ABCA2: variants seen among roughly 807,000 people sequenced by gnomAD.
ABCA2 encodes the protein ATP-binding cassette sub-family A member 2.
ABCA2 carries 84 observed loss-of-function variants against 262.8 expected under a neutral mutation model. The observed-to-expected ratio is 0.32, with a 90% confidence interval of 0.27 to 0.38. The LOEUF (loss-of-function observed/expected upper bound fraction) is 0.38. Ranked by LOEUF, ABCA2 falls within the 10% of genes least tolerant of loss-of-function variation. The pLI is 1.00. For missense variants in ABCA2, 2,662 were observed against 3,405.9 expected (o/e 0.78, Z 5.44); for synonymous variants, 1,696 against 1,502.9 (o/e 1.13, Z -2.97).
rs1393911407 is a variant in ABCA2, at chr9:137,009,125, C to A, written c.6828-72G>T. 3 of 1,464,826 alleles carry A rather than the reference C, an allele frequency of 2.0e-6. No individual in the cohort carries two copies. In the African/African-American group the frequency reaches 4.2e-5, roughly 20 times the overall value. The allele number at this position is 1,464,826 out of a possible 1,614,324, so 90.7% of individuals were successfully genotyped here. ...AGCCCCAGCCCCCCAGCCTCCCAGC[C>A]CTACAGCCCCCACAGGCACCCCAGG... is the stretch of plus-strand genomic sequence containing the variant. On this transcript the variant is annotated intron_variant, in intron 45 of 48. Transcript: ENST00000341511.
intron 6 of ABCA2, 30 bp downstream of exon 6, chr9:137,022,320 TG>T (rs1831498093): frequency 6.4e-7 from 1 of 1,555,310 alleles, no homozygotes; most frequent in South Asian, 1.2e-5. Flanking sequence ...CAGAAGGGAG[TG>T]GCCAGGGCTG....
intron 6 of ABCA2, 56 bp downstream of exon 6, chr9:137,022,295 G>T (rs1323727905): frequency 1.6e-5 from 24 of 1,524,460 alleles, no homozygotes; most frequent in Non-Finnish European, 1.5e-5. Context: ...CAGCAACCAG[G>T]GGGCGTGGCT....
Position 137,017,210 on chromosome 9 carries a change from C to G in ABCA2, c.2539G>C (p.Glu847Gln), listed in dbSNP as rs1392870065. The change falls in exon 18 of 49, where the codon GAG becomes CAG. Residue 847 changes from glutamate (E) to glutamine (Q), a missense_variant. Transcript: ENST00000341511. ...EVAHDKITAF[E>Q]KCIASLMSTT... ...GCGACCCTCACCGCGATGCACTTCT[C>G]GAAGGCCGTGATCTTATCATGCGCC... 2 of 1,612,580 alleles carry G rather than the reference C, an allele frequency of 1.2e-6. No individual in the cohort carries two copies. The highest frequency in any genetic ancestry group is 1.7e-5 in the Admixed American group (1 of 60,026).
chr9:137,010,590 C>A, intron 40 of ABCA2, 30 bp downstream of exon 40: 2 of 1,253,098 alleles, frequency 1.6e-6, no homozygotes, highest in South Asian at 2.4e-5. Context: ...CTACCCCACC[C>A]AGGCCCCACC....
At chr9:137,009,512 G>A (rs1451344387) in intron 44 of ABCA2, 29 bp downstream of exon 44, 1 of 1,328,674 alleles carries the variant, frequency 7.5e-7, no homozygotes, top group Non-Finnish European at 1.1e-6. Flanking sequence ...TGGGGTGGGG[G>A]CACAAAGAGG....
Position 137,013,313 on chromosome 9 carries a change from C to G in ABCA2, c.4556G>C (p.Arg1519Pro). ...ANEERREYRL[R>P]LSPDASPQQL... ...CTGGGGGCTGGCGTCGGGCGATAGC[C>G]GCAGCCTGCGGGCACCGACAGTGTG... The change falls in exon 30 of 49, where the codon CGG becomes CCG. Residue 1519 changes from arginine (R) to proline (P), a missense_variant. Physicochemically the swap from Arg to Pro is moderately radical, Grantham distance 103. This residue lies in a region of ABCA2 where 192 missense variants were observed against 207.2 expected (regional missense o/e 0.93). Transcript: ENST00000341511. The G allele has an allele frequency of 1.9e-6, 3 of 1,547,980 alleles. No homozygotes were observed. The highest frequency in any genetic ancestry group is 1.2e-5 in the South Asian group (1 of 84,042).
In ABCA2 at chr9:137,009,816, G is replaced by A. The variant is rs1830969615; in HGVS notation, c.6583C>T (p.Leu2195Phe). The change falls in exon 43 of 49, where the codon CTC (leucine) becomes TTC (phenylalanine). Residue 2195 changes from leucine to phenylalanine, a missense_variant. Transcript: ENST00000341511. Reference protein sequence around the residue: ...GTYSGGNKRKLSTAIALIGYP... With the variant: ...GTYSGGNKRKFSTAIALIGYP... Reference sequence around the variant, plus strand: ...CCAATGAGGGCGATGGCCGTGGAGAGCTTCCGCTTGTTGCCGCCGCTGTAG... The same window carrying A: ...CCAATGAGGGCGATGGCCGTGGAGAACTTCCGCTTGTTGCCGCCGCTGTAG... The A allele has an allele frequency of 5.0e-6, 8 of 1,612,392 alleles. No homozygotes were observed. The highest frequency in any genetic ancestry group is 1.3e-5 in the African/African-American group (1 of 74,934).
At chr9:137,009,129 C>G in intron 45 of ABCA2, 76 bp from the exon 46 acceptor site, 2 of 1,423,684 alleles carry the variant, frequency 1.4e-6, no homozygotes, top group Non-Finnish European at 1.9e-6. Context: ...CCCAGCCCTA[C>G]AGCCCCCACA....
In ABCA2 at chr9:137,016,560, G is replaced by C; in HGVS notation, c.2923+14C>G. The stretch of plus-strand genomic sequence containing the variant: ...CAGCGCCCACCCCAGCCACCATTCT[G>C]ATGCCAGCCTCACCAAAGCGCCGGC... On this transcript the variant is annotated intron_variant, in intron 20 of 48. Coordinates refer to ENST00000341511, the MANE Select transcript of ABCA2 (RefSeq NM_001606.5). 1 of 1,612,242 alleles carries C rather than the reference G, an allele frequency of 6.2e-7. No homozygotes were observed. Among genetic ancestry groups the C allele is most frequent in the Non-Finnish European group, 8.5e-7 (1 of 1,179,940 alleles).
chr9:137,012,243 CGCCCT>C lies in ABCA2; in HGVS notation c.5299+17_5299+21del, dbSNP rs1564214883. 2.5e-6 allele frequency: 4 copies of C among 1,595,170 alleles called. No homozygotes were observed. The highest frequency in any genetic ancestry group is 1.1e-5 in the South Asian group (1 of 89,590). On this transcript the variant is annotated intron_variant, in intron 33 of 48. Coordinates refer to ENST00000341511, the MANE Select transcript of ABCA2 (RefSeq NM_001606.5). ...GCCCCAGCTCCTCCCCGCCCCGCCC[CGCCCT>C]GCCTATGTCAGCTCACCGTAAGCCG...
chr9:137,012,551 G>T lies in ABCA2; in HGVS notation c.5121C>A (p.Ile1707=). ...AITFGNVLKS[I]PASFGTRAPP... ...GGGCCCTGGTGCCAAATGAGGCTGG[G>T]ATGGACTTCAGGACGTTTCCAAAGG... Residue 1707 remains isoleucine (I), a synonymous_variant, in exon 32 of 49, where the codon ATC becomes ATA. Coordinates refer to ENST00000341511, the MANE Select transcript of ABCA2 (RefSeq NM_001606.5). 1 of 1,612,084 alleles carries T rather than the reference G, an allele frequency of 6.2e-7. No individual in the cohort carries two copies. The highest frequency in any genetic ancestry group is 8.5e-7 in the Non-Finnish European group (1 of 1,179,912).
chr9:137,023,107 G>A (rs754293195), intron 3 of ABCA2, 55 bp from the exon 4 acceptor site: 1 of 1,359,524 alleles, frequency 7.4e-7, no homozygotes, highest in South Asian at 1.3e-5. Flanking sequence ...GAGAGAGAGA[G>A]AGGAATCCAG....
chr9:137,018,863 AG>A, intron 12 of ABCA2, 39 bp downstream of exon 12: 1 of 1,611,890 alleles, frequency 6.2e-7, no homozygotes, highest in South Asian at 1.1e-5. Context: ...TGTGCGAGGC[AG>A]GGGGTGTCGT....
rs979016406 is a variant in ABCA2, at chr9:137,019,373, C to T, written c.1426-67G>A. The T allele has an allele frequency of 1.0e-5, 16 of 1,574,068 alleles. No individual in the cohort carries two copies. In the African/African-American group the frequency reaches 2.2e-4, roughly 21 times the overall value. ...CCCCACCGACTTGGGGGCTCTCACC[C>T]CACTCACCTCCCCAGTGGCTGGTCC... On this transcript the variant is annotated intron_variant, in intron 10 of 48. Transcript: ENST00000341511. This position sits in a 1 kb window ranked among gnomAD's most constrained non-coding sequence, Gnocchi z 4.4.
Position 137,015,117 on chromosome 9 carries a change from A to C in ABCA2, c.3698-20T>G. 2 of 1,557,656 alleles carry C rather than the reference A, an allele frequency of 1.3e-6. No homozygotes were observed. Among genetic ancestry groups the C allele is most frequent in the Non-Finnish European group, 8.7e-7 (1 of 1,154,154 alleles). On this transcript the variant is annotated intron_variant, in intron 24 of 48. Transcript: ENST00000341511. The stretch of plus-strand genomic sequence containing the variant: ...CTGGCTCTGTGGGGGACGTGGGAGC[A>C]GGAAGGAATTCACTCAGGGGCTGGG...
intron 24 of ABCA2, 110 bp from the exon 25 acceptor site, chr9:137,015,207 C>A (rs1485725111): frequency 4.6e-6 from 6 of 1,310,662 alleles, no homozygotes; most frequent in Non-Finnish European, 5.2e-6. Flanking sequence ...AAGAACCAGG[C>A]CCCAGCAGGT....
intron 45 of ABCA2, 49 bp from the exon 46 acceptor site, chr9:137,009,102 C>T (rs1368842121): frequency 2.6e-6 from 4 of 1,544,614 alleles, no homozygotes; most frequent in Non-Finnish European, 3.5e-6. Flanking sequence ...CCAGCCAGAG[C>T]CCCAGCCCCC....
Position 137,010,338 on chromosome 9 carries a change from C to A in ABCA2, c.6208G>T (p.Ala2070Ser). ...YKSRKIGRIL[A>S]VDRLCLGVRP... ...ACACCCAGGCACAGGCGGTCAACGG[C>A]CAGGATACGGCCAATCTTCCGGGAC... The change falls in exon 41 of 49, where the codon GCC becomes TCC. Residue 2070 changes from alanine to serine, a missense_variant. This residue lies in a region of ABCA2 where 602 missense variants were observed against 897.4 expected (regional missense o/e 0.67). Coordinates refer to ENST00000341511, the MANE Select transcript of ABCA2 (RefSeq NM_001606.5). The A allele has an allele frequency of 6.3e-7, 1 of 1,582,826 alleles. No individual in the cohort carries two copies. Among genetic ancestry groups the A allele is most frequent in the Non-Finnish European group, 8.6e-7 (1 of 1,165,218 alleles).
rs148891967 is a variant in ABCA2 at position 137,024,027 on chromosome 9, A to G, written c.160+116T>C. On this transcript the variant is annotated intron_variant, in intron 2 of 48. Coordinates refer to ENST00000341511, the MANE Select transcript of ABCA2 (RefSeq NM_001606.5). ...CCCAGGACCACACAGGGGAGCAGGC[A>G]CCGCACCTCAGGGACTCCGGGAGCA... 650 of 1,515,414 alleles carry G rather than the reference A, an allele frequency of 4.3e-4. 10 individuals are homozygous for G. The East Asian group carries it at 0.016, about 37-fold the overall frequency. 93.9% of individuals were successfully genotyped at this position (1,515,414 alleles called of 1,614,324 possible). A position where few individuals can be genotyped will look rare whatever the true frequency, so the allele number is the denominator to read the frequency against.
Sources: allele counts gnomAD v4.1 joint callset, GRCh38; gene constraint gnomAD v4.1.1; regional missense constraint gnomAD v4.1.1; non-coding constraint Gnocchi (gnomAD v3.1); transcripts MANE v1.5; gene names NCBI Gene and HGNC (gene_info 2026-07-23, HGNC 2026-07-21).